The following ADAT2 variants were observed in gnomAD, a reference collection of about 807,000 sequenced individuals.
ADAT2 encodes the protein tRNA-specific adenosine-34 deaminase catalytic subunit ADAT2.
In ADAT2, 26 loss-of-function variants were observed where a neutral mutation model predicts 25.9. The ratio of observed to expected loss-of-function variants is 1.00; its 90% confidence interval spans 0.74 to 1.39. The LOEUF (loss-of-function observed/expected upper bound fraction) is 1.39. Among genes scored for constraint, ADAT2 ranks in the 40% most tolerant of loss-of-function variants. The pLI, the probability that ADAT2 is intolerant of heterozygous loss-of-function variation, is 0.00. For missense variants in ADAT2, 220 were observed against 244.8 expected, an observed-to-expected ratio of 0.90 and a Z score of 0.68; for synonymous variants, 76 against 86.8, an observed-to-expected ratio of 0.88 and a Z score of 0.69.
At position 143,445,067 on chromosome 6, in the gene ADAT2, G is replaced by C. The variant is rs533004274; in HGVS notation, c.96+5496C>G. On this transcript the variant is annotated intron_variant, in intron 1 of 5. Coordinates refer to ENST00000237283, the MANE Select transcript of ADAT2 (RefSeq NM_182503.3). ...AAGGCTAAACTATATAACTGTTTCT[G>C]CTAATTACTCTCTTCTGAGTGATTA... is the stretch of plus-strand genomic sequence containing the variant. The C allele has an allele frequency of 2.8e-5, 17 of 607,200 alleles. No homozygotes were observed. In the South Asian group the frequency reaches 3.4e-4, roughly 12 times the overall value. The allele number at this position is 607,200 out of a possible 1,614,324, so 37.6% of individuals were successfully genotyped here.
chr6:143,425,080 T>C lies in ADAT2; in HGVS notation c.*3383A>G, dbSNP rs1005903094. The C allele has an allele frequency of 2.6e-5, 4 of 151,828 alleles. No individual in the cohort carries two copies. The highest frequency in any genetic ancestry group is 4.4e-5 in the Non-Finnish European group (3 of 67,978). 9.4% of individuals were successfully genotyped at this position (151,828 alleles called of 1,614,324 possible). On this transcript the variant is annotated 3_prime_UTR_variant, in exon 6 of 6. Coordinates refer to ENST00000237283, the MANE Select transcript of ADAT2 (RefSeq NM_182503.3). ...ACCTGAATCTAATCACAAGAAAATA[T>C]CAAATAAATTTAAAACAAGGACCAT...
At chr6:143,443,721 C>T (rs1421294301) in intron 1 of ADAT2, among the ~76,000 whole-genome samples, 2 of 151,614 alleles carry the variant, frequency 1.3e-5, no homozygotes, top group Non-Finnish European at 2.9e-5. Context: ...ATCCTAGCTA[C>T]TTGGGAGGCT....
rs1778933447 is a variant in ADAT2 at position 143,426,336 on chromosome 6, A to G, written c.*2127T>C. On this transcript the variant is annotated 3_prime_UTR_variant, in exon 6 of 6. Coordinates refer to ENST00000237283, the MANE Select transcript of ADAT2 (RefSeq NM_182503.3). This position sits in a 1 kb window ranked among gnomAD's most constrained non-coding sequence, Gnocchi z 4.1. ...ACTTGGAAATTGCTAGCAGAATTCC[A>G]TAGAGCTAATGTCTATGACACCCTC... The G allele has an allele frequency of 6.6e-6, 1 of 152,220 alleles. No individual in the cohort carries two copies. The highest frequency in any genetic ancestry group is 1.5e-5 in the Non-Finnish European group (1 of 68,052). The allele number at this position is 152,220 out of a possible 1,614,324, so 9.4% of individuals were successfully genotyped here.
intron 4 of ADAT2, among the ~76,000 whole-genome samples, chr6:143,431,164 G>C (rs986070897): frequency 3.3e-5 from 5 of 152,238 alleles, no homozygotes; most frequent in Admixed American, 3.3e-4. Flanking sequence ...TGGAGATATG[G>C]CTGCAAGCCA....
chr6:143,435,963 G>A (rs1368187121), intron 2 of ADAT2, among the ~76,000 whole-genome samples: 1 of 151,960 alleles, frequency 6.6e-6, no homozygotes, highest in East Asian at 1.9e-4. Context: ...TGACTACCCT[G>A]GCAGTTATAA....
chr6:143,437,932 GA>G lies in ADAT2; in HGVS notation c.201+657del, dbSNP rs1779339995. On this transcript the variant is annotated intron_variant, in intron 2 of 5. Transcript: ENST00000237283. This position sits in a 1 kb window ranked among gnomAD's most constrained non-coding sequence, Gnocchi z 4.1. ...CACACTATTGTGATACCATGTTTAA[GA>G]AGCATTGCCTTGAACCATGAACTTC... 6.6e-6 allele frequency among the ~76,000 whole-genome samples: 1 copy of G among 152,164 alleles called. No homozygotes were observed. The highest frequency in any genetic ancestry group is 6.5e-5 in the Admixed American group (1 of 15,276).
In ADAT2 at chr6:143,425,332, T is replaced by C. The variant is rs866013219; in HGVS notation, c.*3131A>G. The C allele has an allele frequency of 7.5e-6, 1 of 133,026 alleles. No individual in the cohort carries two copies. Among genetic ancestry groups the C allele is most frequent in the Non-Finnish European group, 1.5e-5 (1 of 66,858 alleles). 8.2% of individuals were successfully genotyped at this position (133,026 alleles called of 1,614,324 possible). A position where few individuals can be genotyped will look rare whatever the true frequency, so the allele number is the denominator to read the frequency against. On this transcript the variant is annotated 3_prime_UTR_variant, in exon 6 of 6. Transcript: ENST00000237283. ...GAGTTCAAGACCAGCCTGGGCAACA[T>C]AGTGAGACCTTGTCTCTACAAAAAA...
chr6:143,425,831 T>C lies in ADAT2; in HGVS notation c.*2632A>G, dbSNP rs1441092081. 1.3e-5 allele frequency: 2 copies of C among 149,468 alleles called. No homozygotes were observed. Among genetic ancestry groups the C allele is most frequent in the Non-Finnish European group, 3.0e-5 (2 of 67,624 alleles). The allele number at this position is 149,468 out of a possible 1,614,324, so 9.3% of individuals were successfully genotyped here. A position where few individuals can be genotyped will look rare whatever the true frequency, so the allele number is the denominator to read the frequency against. On this transcript the variant is annotated 3_prime_UTR_variant, in exon 6 of 6. Coordinates refer to ENST00000237283, the MANE Select transcript of ADAT2 (RefSeq NM_182503.3). ...AAAAAGTTTAAAGAAAAATTAAGAG[T>C]TCTTGCCTACACTGAAGCTCTTGGC... is the stretch of plus-strand genomic sequence containing the variant.
At position 143,432,479 on chromosome 6, in the gene ADAT2, G is replaced by A. The variant is rs766584965; in HGVS notation, c.459+26C>T. 6.3e-7 allele frequency: 1 copy of A among 1,591,516 alleles called. No homozygotes were observed. Among genetic ancestry groups the A allele is most frequent in the South Asian group, 1.1e-5 (1 of 90,558 alleles). On this transcript the variant is annotated intron_variant, in intron 4 of 5. Coordinates refer to ENST00000237283, the MANE Select transcript of ADAT2 (RefSeq NM_182503.3). This position sits in a 1 kb window ranked among gnomAD's most constrained non-coding sequence, Gnocchi z 4.4. ...AGAGATGAAAATAATTAGCAAGAAA[G>A]AAAAAGCATAAGCAGTTTGTATTAC...
At position 143,428,164 on chromosome 6, in the gene ADAT2, A is replaced by T; in HGVS notation, c.*299T>A. On this transcript the variant is annotated 3_prime_UTR_variant, in exon 6 of 6. Transcript: ENST00000237283. This position sits in a 1 kb window ranked among gnomAD's most constrained non-coding sequence, Gnocchi z 5.0. ...CTCTAAGAAGTCAGCACTTGCCTGG[A>T]CTGGGCACTTGTGGCTAGAAGGGTA... The T allele has an allele frequency of 1.1e-5, 4 of 374,106 alleles. No individual in the cohort carries two copies. The South Asian group carries it at 1.1e-4, about 11-fold the overall frequency. 23.2% of individuals were successfully genotyped at this position (374,106 alleles called of 1,614,324 possible). A position where few individuals can be genotyped will look rare whatever the true frequency, so the allele number is the denominator to read the frequency against.
chr6:143,438,688 C>T lies in ADAT2; in HGVS notation c.103G>A (p.Glu35Lys), dbSNP rs766935374. The T allele has an allele frequency of 1.9e-6, 3 of 1,613,138 alleles. No homozygotes were observed. Among genetic ancestry groups the T allele is most frequent in the Non-Finnish European group, 2.5e-6 (3 of 1,179,214 alleles). Reference sequence around the variant, plus strand: ...GGAACTTCAGTATTTTCGAGGGCTTCTTTGGCCTGAAACACAAAGTGGAAA... The same window carrying T: ...GGAACTTCAGTATTTTCGAGGGCTTTTTTGGCCTGAAACACAAAGTGGAAA... ...WMEEAMHMAKEALENTEVPVG... is the reference protein window; with the variant it reads ...WMEEAMHMAKKALENTEVPVG... Residue 35 changes from glutamate to lysine, a missense_variant, in exon 2 of 6, where the codon GAA becomes AAA. Coordinates refer to ENST00000237283, the MANE Select transcript of ADAT2 (RefSeq NM_182503.3).
Position 143,426,236 on chromosome 6 carries a change from G to A in ADAT2, c.*2227C>T, listed in dbSNP as rs951480627. ...CTAGGACATCTTAATATTTTAACCC[G>A]TGTCTAAGTAGCTGGGGAATGTGGT... On this transcript the variant is annotated 3_prime_UTR_variant, in exon 6 of 6. Transcript: ENST00000237283. The surrounding 1 kb of genome is among the most constrained non-coding windows in gnomAD (Gnocchi z 4.1). 2.0e-5 allele frequency: 3 copies of A among 152,150 alleles called. No individual in the cohort carries two copies. Among genetic ancestry groups the A allele is most frequent in the African/African-American group, 4.8e-5 (2 of 41,424 alleles). The allele number at this position is 152,150 out of a possible 1,614,324, so 9.4% of individuals were successfully genotyped here. A position where few individuals can be genotyped will look rare whatever the true frequency, so the allele number is the denominator to read the frequency against.
At position 143,428,808 on chromosome 6, in the gene ADAT2, T is replaced by G. The variant is rs570398712; in HGVS notation, c.460-124A>C. The G allele has an allele frequency of 4.5e-6, 4 of 890,836 alleles. No individual in the cohort carries two copies. In the African/African-American group the frequency reaches 6.8e-5, roughly 15 times the overall value. The allele number at this position is 890,836 out of a possible 1,614,324, so 55.2% of individuals were successfully genotyped here. Reference sequence around the variant, plus strand: ...TTCAGATGTTAATAAACTTTGGGGATATTAGTAACATGGGTAAGGAGGTAC... The same window carrying G: ...TTCAGATGTTAATAAACTTTGGGGAGATTAGTAACATGGGTAAGGAGGTAC... On this transcript the variant is annotated intron_variant, in intron 4 of 5. Transcript: ENST00000237283. This position sits in a 1 kb window ranked among gnomAD's most constrained non-coding sequence, Gnocchi z 5.0.
At chr6:143,430,929 A>G (rs890036851) in intron 4 of ADAT2, among the ~76,000 whole-genome samples, 2 of 152,250 alleles carry the variant, frequency 1.3e-5, no homozygotes, top group Non-Finnish European at 2.9e-5. Flanking sequence ...TTTGAAAAGA[A>G]TAGTTCTGTA....
intron 1 of ADAT2, among the ~76,000 whole-genome samples, chr6:143,448,983 G>A (rs1453866498): frequency 2.6e-5 from 4 of 151,936 alleles, no homozygotes; most frequent in Admixed American, 6.6e-5. Context: ...TATATGCTAC[G>A]GTTATTAAAC....
chr6:143,433,953 AT>A lies in ADAT2; in HGVS notation c.229del (p.Ile77SerfsTer40), dbSNP rs767245595. On this transcript the variant is annotated frameshift_variant, in exon 3 of 6. Coordinates refer to ENST00000237283, the MANE Select transcript of ADAT2 (RefSeq NM_182503.3). LOFTEE classifies it high-confidence loss of function. Reference sequence around the variant, plus strand: ...ACGACACCAATCGAGGACCTGATCGATGGCCACCATTTCTGCATGTCGAGTA... The same window carrying A: ...ACGACACCAATCGAGGACCTGATCGAGGCCACCATTTCTGCATGTCGAGTA... ...NATRHAEMVAIDQVLDWCRQS... is the reference protein window; with the variant it reads ...NATRHAEMVAXDQVLDWCRQS... The A allele has an allele frequency of 1.4e-5, 23 of 1,614,026 alleles. No homozygotes were observed. In the African/African-American group the frequency reaches 3.1e-4, roughly 22 times the overall value.
rs567026964 is a variant in ADAT2 at position 143,445,567 on chromosome 6, A to C, written c.96+4996T>G. Among the ~76,000 whole-genome samples the C allele has an allele frequency of 4.6e-5, 7 of 152,268 alleles. No homozygotes were observed. The East Asian group carries it at 1.4e-3, about 29-fold the overall frequency. Reference sequence around the variant, plus strand: ...CTTAAAATTTAGAAGGAATTCTATCATTTATCTCAACGGACGTGTTGAAGG... The same window carrying C: ...CTTAAAATTTAGAAGGAATTCTATCCTTTATCTCAACGGACGTGTTGAAGG... On this transcript the variant is annotated intron_variant, in intron 1 of 5. Transcript: ENST00000237283.
chr6:143,433,769 T>C, intron 3 of ADAT2, 62 bp downstream of exon 3: 1 of 1,498,380 alleles, frequency 6.7e-7, no homozygotes, highest in Non-Finnish European at 9.0e-7. Flanking sequence ...AGGCTACGTG[T>C]TTGGCCACTC....
rs1421440830 is a variant in ADAT2 at position 143,432,720 on chromosome 6, C to T, written c.353-109G>A. 26 of 989,802 alleles carry T rather than the reference C, an allele frequency of 2.6e-5. No homozygotes were observed. The highest frequency in any genetic ancestry group is 4.1e-5 in the Non-Finnish European group (26 of 635,270). 61.3% of individuals were successfully genotyped at this position (989,802 alleles called of 1,614,324 possible). On this transcript the variant is annotated intron_variant, in intron 3 of 5. Coordinates refer to ENST00000237283, the MANE Select transcript of ADAT2 (RefSeq NM_182503.3). The surrounding 1 kb of genome is among the most constrained non-coding windows in gnomAD (Gnocchi z 4.4). ...CCTGGAGAGGAACGCTCATGCTACTCTTCAAACCAGTGAAGCTTAGGATTC... is the reference window on the plus strand; with the variant it reads ...CCTGGAGAGGAACGCTCATGCTACTTTTCAAACCAGTGAAGCTTAGGATTC...
Sources: gnomAD v4.1 joint callset for allele counts (sites outside exome capture counted in the v4.1 genomes callset) on GRCh38, gnomAD v4.1.1 for gene constraint, Gnocchi (gnomAD v3.1) non-coding constraint, MANE v1.5 for transcripts, NCBI Gene and HGNC (gene_info 2026-07-23, HGNC 2026-07-21) for gene names.